SLC16A5: variants seen among roughly 807,000 people sequenced by gnomAD.
SLC16A5 encodes solute carrier family 16 member 5, also known as monocarboxylate transporter 6.
A neutral mutation model predicts 33.2 loss-of-function variants in SLC16A5; 29 were observed. The observed-to-expected ratio is 0.87, with a 90% CI of 0.65 to 1.19. SLC16A5 has a LOEUF of 1.19. SLC16A5 is among the 50% of genes most tolerant of loss of function. SLC16A5 has a pLI of 0.00. For missense variants in SLC16A5, 606 were observed against 678.2 expected (o/e 0.89, Z 1.18); for synonymous variants, 248 against 284.1 (o/e 0.87, Z 1.28).
chr17:75,099,783 A>T (rs2073766107), intron 4 of SLC16A5, among the ~76,000 whole-genome samples: 1 of 152,124 alleles, frequency 6.6e-6, no homozygotes, highest in South Asian at 2.1e-4. Context: ...CACCTAGGGG[A>T]ACAGGGATGC....
chr17:75,089,574 T>G (rs1177278988), intron 2 of SLC16A5, among the ~76,000 whole-genome samples: 1 of 151,664 alleles, frequency 6.6e-6, no homozygotes, highest in African/African-American at 2.4e-5. Flanking sequence ...GCCGATATGG[T>G]GAAACCCCGT....
chr17:75,106,578 C>T (rs1451417180), downstream of SLC16A5, among the ~76,000 whole-genome samples: 1 of 145,538 alleles, frequency 6.9e-6, no homozygotes, highest in South Asian at 2.2e-4. Flanking sequence ...CACAGCAAGA[C>T]CCTGTCTTTT....
At chr17:75,103,151 A>T (rs1335629466) in intron 5 of SLC16A5, among the ~76,000 whole-genome samples, 1 of 151,886 alleles carries the variant, frequency 6.6e-6, no homozygotes, top group African/African-American at 2.4e-5. Flanking sequence ...GGCCTCCCAG[A>T]GTGCTGGGAT....
chr17:75,090,967 C>T (rs1049911773), intron 2 of SLC16A5, among the ~76,000 whole-genome samples: 1 of 152,214 alleles, frequency 6.6e-6, no homozygotes, highest in African/African-American at 2.4e-5. Context: ...GAGCTCTTCT[C>T]ATAGAAAGAG....
chr17:75,101,725 G>A (rs2145062271), intron 5 of SLC16A5, among the ~76,000 whole-genome samples: 1 of 151,934 alleles, frequency 6.6e-6, no homozygotes, highest in African/African-American at 2.4e-5. Context: ...GCCTCAACCT[G>A]CCAGACTCAA....
At chr17:75,107,204 G>GTGA (rs2073870214), downstream of SLC16A5, among the ~76,000 whole-genome samples, 1 of 151,866 alleles carries the variant, frequency 6.6e-6, no homozygotes, top group Non-Finnish European at 1.5e-5. Context: ...GGAGGCAGAG[G>GTGA]TGGGAGGATC....
chr17:75,104,333 G>A (rs967233222), intron 6 of SLC16A5, 153 bp downstream of exon 6: 27 of 1,458,524 alleles, frequency 1.9e-5, no homozygotes, highest in East Asian at 1.7e-4. Context: ...CAGGAAGCCC[G>A]GGCTGTCCAG....
At chr17:75,109,852 G>A (rs2073892824), downstream of SLC16A5, 1 of 194,634 alleles carries the variant, frequency 5.1e-6, no homozygotes, top group African/African-American at 2.4e-5. This position sits in a 1 kb window ranked among gnomAD's most constrained non-coding sequence, Gnocchi z 5.0. Context: ...TTCCAGCACA[G>A]GCTAAAGAGC....
At chr17:75,107,211 G>T (rs1281801966), downstream of SLC16A5, among the ~76,000 whole-genome samples, 3 of 150,802 alleles carry the variant, frequency 2.0e-5, no homozygotes, top group Non-Finnish European at 4.4e-5. Flanking sequence ...GAGGTGGGAG[G>T]ATCCCTTGAG....
chr17:75,100,488 C>G lies in SLC16A5; in HGVS notation c.825C>G (p.Leu275=). 1.2e-6 allele frequency: 2 copies of G among 1,614,238 alleles called. No homozygotes were observed. The highest frequency in any genetic ancestry group is 1.7e-6 in the Non-Finnish European group (2 of 1,180,038). ...WHSVDEQQAA[L]LISIIGFSNI... ...GCGTGGACGAGCAGCAGGCAGCCCT[C>G]CTCATCTCCATCATCGGCTTCAGCA... Residue 275 remains leucine (L), a synonymous_variant, in exon 5 of 7, where the codon CTC becomes CTG. Transcript: ENST00000329783.
In SLC16A5 at chr17:75,094,116, C is replaced by T. The variant is rs577908015; in HGVS notation, c.199+281C>T. Among the ~76,000 whole-genome samples, 10 of 152,290 alleles carry T rather than the reference C, an allele frequency of 6.6e-5. No homozygotes were observed. The East Asian group carries it at 7.7e-4, about 12-fold the overall frequency. On this transcript the variant is annotated intron_variant, in intron 3 of 6. Transcript: ENST00000329783. ...CGACACAGGCGTAGGTGTGCTGGGG[C>T]GCTCAGTGCCAGGCTGGGAAGAGCG...
intron 5 of SLC16A5, 41 bp from the exon 6 acceptor site, chr17:75,103,928 GA>G (rs765406637): frequency 6.4e-7 from 1 of 1,556,278 alleles, no homozygotes; most frequent in Non-Finnish European, 8.9e-7. Context: ...GAGTTGGGGG[GA>G]GGCCTGGTAG....
At chr17:75,104,855 T>A (rs555627096) in intron 6 of SLC16A5, 1 of 985,450 alleles carries the variant, frequency 1.0e-6, no homozygotes, top group Non-Finnish European at 1.2e-6. Flanking sequence ...GTCTGAGCCC[T>A]GCTCAGGTTT....
At chr17:75,105,742 C>T in intron 6 of SLC16A5, 138 bp from the exon 7 acceptor site, 1 of 1,407,450 alleles carries the variant, frequency 7.1e-7, no homozygotes, top group Non-Finnish European at 9.3e-7. Flanking sequence ...ACAAACAGAG[C>T]TGGAGTACGT....
Position 75,100,003 on chromosome 17 carries a change from G to A in SLC16A5, c.344-4G>A, listed in dbSNP as rs763904623. The A allele has an allele frequency of 2.0e-5, 32 of 1,605,222 alleles. No homozygotes were observed. The East Asian group carries it at 2.7e-4, about 13-fold the overall frequency. ...CCAGGCTGGTTTCCCCTCTTGCCCC[G>A]CAGGCCTGGGCATGTGCTTCAGCTT... On this transcript the variant is annotated splice_region_variant and splice_polypyrimidine_tract_variant and intron_variant, in intron 4 of 6. Transcript: ENST00000329783.
At position 75,098,036 on chromosome 17, in the gene SLC16A5, A is replaced by G. The variant is rs1344018089; in HGVS notation, c.200-2A>G. 8.2e-6 allele frequency: 13 copies of G among 1,577,486 alleles called. No individual in the cohort carries two copies. Among genetic ancestry groups the G allele is most frequent in the Non-Finnish European group, 8.6e-7 (1 of 1,166,796 alleles). ...CTACCTGCTGGCTGTCTTCTCCCAC[A>G]GGGCCCCTGTGCAGCATCCTGGTGG... On this transcript the variant is annotated splice_acceptor_variant, in intron 3 of 6. Transcript: ENST00000329783. LOFTEE classifies it high-confidence loss of function.
rs1460526614 is a variant in SLC16A5 at position 75,099,871 on chromosome 17, T to A, written c.344-136T>A. On this transcript the variant is annotated intron_variant, in intron 4 of 6. Transcript: ENST00000329783. ...CGAGGCCAGCTGATTCCATGGTCAG[T>A]CCCCAGGGACTTGGAGCTGGGTATG... 7 of 832,734 alleles carry A rather than the reference T, an allele frequency of 8.4e-6. No homozygotes were observed. In the Admixed American group the frequency reaches 1.7e-4, roughly 21 times the overall value. 51.6% of individuals were successfully genotyped at this position (832,734 alleles called of 1,614,324 possible).
chr17:75,100,886 C>T, intron 5 of SLC16A5, 70 bp downstream of exon 5: 1 of 1,376,184 alleles, frequency 7.3e-7, no homozygotes, highest in South Asian at 1.4e-5. Context: ...GATCTGGGCC[C>T]AGTCCAGCAT....
chr17:75,099,751 T>C (rs2073765699), intron 4 of SLC16A5, among the ~76,000 whole-genome samples: 3 of 152,180 alleles, frequency 2.0e-5, no homozygotes, highest in Admixed American at 2.0e-4. Context: ...ATTTGGGTTT[T>C]TAAAAGATAA....
Sources: allele counts gnomAD v4.1 joint callset (sites outside exome capture counted in the v4.1 genomes callset), GRCh38; gene constraint gnomAD v4.1.1; non-coding constraint Gnocchi (gnomAD v3.1); transcripts MANE v1.5; gene names NCBI Gene and HGNC (gene_info 2026-07-23, HGNC 2026-07-21).